Variants in SDK2 observed in about 807,000 individuals in gnomAD.
The protein encoded by SDK2 is sidekick cell adhesion molecule 2.
SDK2 carries 105 observed loss-of-function variants against 253.9 expected under a neutral mutation model. The observed-to-expected ratio is 0.41, with a 90% CI of 0.35 to 0.49. The LOEUF is 0.49. Among genes scored for constraint, SDK2 ranks in the 20% least tolerant of loss-of-function variants. The pLI, the probability that SDK2 is intolerant of heterozygous loss-of-function variation, is 0.06. For missense variants in SDK2, 2,608 were observed against 3,003.0 expected, an observed-to-expected ratio of 0.87 and a Z score of 3.07; for synonymous variants, 1,249 against 1,234.9, an observed-to-expected ratio of 1.01 and a Z score of -0.24.
intron 3 of SDK2, among the ~76,000 whole-genome samples, chr17:73,464,714 A>C (rs1480519515): frequency 6.6e-6 from 1 of 152,058 alleles, no homozygotes; most frequent in African/African-American, 2.4e-5. Flanking sequence ...GTTTACCCCC[A>C]ACAACCTTCC....
At chr17:73,513,308 A>G (rs2063996088) in intron 1 of SDK2, among the ~76,000 whole-genome samples, 1 of 152,250 alleles carries the variant, frequency 6.6e-6, no homozygotes, top group Non-Finnish European at 1.5e-5. Flanking sequence ...GGCAAAGGAT[A>G]TGAAGTTCGC....
Position 73,431,422 on chromosome 17 carries a change from C to A in SDK2, c.1480+80G>T. On this transcript the variant is annotated intron_variant, in intron 11 of 44. Coordinates refer to ENST00000392650, the MANE Select transcript of SDK2 (RefSeq NM_001144952.2). The surrounding 1 kb of genome is among the most constrained non-coding windows in gnomAD (Gnocchi z 5.6). The stretch of plus-strand genomic sequence containing the variant: ...GGTGGTATGAGCCTGTGCCCCGTAG[C>A]TGTCCTGAGTCCTCAGCACCTACAG... 1 of 1,379,954 alleles carries A rather than the reference C, an allele frequency of 7.2e-7. No individual in the cohort carries two copies. Among genetic ancestry groups the A allele is most frequent in the African/African-American group, 1.5e-5 (1 of 68,388 alleles). 85.5% of individuals were successfully genotyped at this position (1,379,954 alleles called of 1,614,324 possible). A position where few individuals can be genotyped will look rare whatever the true frequency, so the allele number is the denominator to read the frequency against.
At chr17:73,489,124 C>A (rs1447045631) in intron 2 of SDK2, among the ~76,000 whole-genome samples, 1 of 152,186 alleles carries the variant, frequency 6.6e-6, no homozygotes, top group Non-Finnish European at 1.5e-5. Flanking sequence ...ATACCCTTGT[C>A]TCCATGTACT....
intron 28 of SDK2, 73 bp downstream of exon 28, chr17:73,391,367 G>A (rs1229148498): frequency 1.9e-5 from 16 of 847,068 alleles, no homozygotes; most frequent in Non-Finnish European, 2.6e-5. Context: ...AGCTGGTAAC[G>A]AAGTGGCCTC....
intron 3 of SDK2, 38 bp from the exon 4 acceptor site, chr17:73,456,091 A>G (rs1410729359): frequency 1.4e-6 from 2 of 1,446,194 alleles, no homozygotes; most frequent in Non-Finnish European, 1.8e-6. Context: ...CAGGGGCGGG[A>G]GGTCAGCCTC....
chr17:73,603,437 T>C (rs371968562), intron 1 of SDK2, among the ~76,000 whole-genome samples: 3 of 152,326 alleles, frequency 2.0e-5, no homozygotes, highest in East Asian at 1.9e-4. Flanking sequence ...ATCACACTGA[T>C]AAGTTGGAGA....
rs191836627 is a variant in SDK2 at position 73,587,443 on chromosome 17, T to G, written c.64+56582A>C. ...TGGCACGCCTCTGTCCCTGGGTCAC[T>G]CCAGCATCACCACCCTACTTAGCAG... On this transcript the variant is annotated intron_variant, in intron 1 of 44. Coordinates refer to ENST00000392650, the MANE Select transcript of SDK2 (RefSeq NM_001144952.2). Among the ~76,000 whole-genome samples the G allele has an allele frequency of 3.3e-5, 5 of 152,328 alleles. No individual in the cohort carries two copies. In the East Asian group the frequency reaches 9.6e-4, roughly 29 times the overall value.
At chr17:73,497,850 AGCT>A (rs1188657132) in intron 2 of SDK2, among the ~76,000 whole-genome samples, 1 of 152,136 alleles carries the variant, frequency 6.6e-6, no homozygotes, top group Non-Finnish European at 1.5e-5. Flanking sequence ...TCCCTAAGAG[AGCT>A]AAACGCCCCT....
chr17:73,469,991 C>T lies in SDK2; in HGVS notation c.331+2121G>A, dbSNP rs112174860. Among the ~76,000 whole-genome samples, 358 of 100,814 alleles carry T rather than the reference C, an allele frequency of 3.6e-3. 3 individuals carry two copies. The highest frequency in any genetic ancestry group is 0.015 in the African/African-American group (343 of 23,058). 66.1% of individuals were successfully genotyped at this position (100,814 alleles called of 152,430 possible). A position where few individuals can be genotyped will look rare whatever the true frequency, so the allele number is the denominator to read the frequency against. On this transcript the variant is annotated intron_variant, in intron 3 of 44. Coordinates refer to ENST00000392650, the MANE Select transcript of SDK2 (RefSeq NM_001144952.2). The stretch of plus-strand genomic sequence containing the variant: ...AATGGCATTTGCGACTGCGCGCGCG[C>T]GCACACACACACACACACACACACA...
At chr17:73,450,029 G>A (rs111852882) in intron 4 of SDK2, among the ~76,000 whole-genome samples, 2,117 of 152,284 alleles carry the variant, frequency 0.014, 48 homozygotes, top group African/African-American at 0.041. Context: ...AGAGCCAGGC[G>A]AAAATATTTC....
At chr17:73,426,519 A>G (rs1343262778) in intron 12 of SDK2, among the ~76,000 whole-genome samples, 1 of 152,186 alleles carries the variant, frequency 6.6e-6, no homozygotes. Flanking sequence ...TTGGACATCC[A>G]GTTTAGCTCC....
rs374117631 is a variant in SDK2 at position 73,348,594 on chromosome 17, C to G, written c.6165+5G>C. The G allele has an allele frequency of 1.3e-4, 212 of 1,611,896 alleles. No homozygotes were observed. Among genetic ancestry groups the G allele is most frequent in the Admixed American group, 6.7e-5 (4 of 59,968 alleles). ...CTGCAGGACACCTGGCCCTCCTGCC[C>G]TCACCTGAGAGTCGGAGATTTCTGA... On this transcript the variant is annotated splice_donor_5th_base_variant and intron_variant, in intron 44 of 44. Coordinates refer to ENST00000392650, the MANE Select transcript of SDK2 (RefSeq NM_001144952.2).
At position 73,471,962 on chromosome 17, in the gene SDK2, A is replaced by G. The variant is rs573958594; in HGVS notation, c.331+150T>C. On this transcript the variant is annotated intron_variant, in intron 3 of 44. Coordinates refer to ENST00000392650, the MANE Select transcript of SDK2 (RefSeq NM_001144952.2). ...CTGGGCCTTGGTTCTACCAACTGCA[A>G]AATGAGGTTGCTGGCTGGAAGGGGC... is the stretch of plus-strand genomic sequence containing the variant. The G allele has an allele frequency of 9.6e-6, 6 of 628,022 alleles. 1 individual carries two copies. The highest frequency in any genetic ancestry group is 1.7e-5 in the Non-Finnish European group (6 of 356,804). 38.9% of individuals were successfully genotyped at this position (628,022 alleles called of 1,614,324 possible).
At chr17:73,448,840 T>C (rs371885824) in intron 4 of SDK2, among the ~76,000 whole-genome samples, 145 of 152,200 alleles carry the variant, frequency 9.5e-4, no homozygotes, top group African/African-American at 3.4e-3. Context: ...CTTATATTTT[T>C]AGTAAAGACA....
intron 1 of SDK2, among the ~76,000 whole-genome samples, chr17:73,577,166 C>T (rs548942048): frequency 3.1e-4 from 47 of 152,270 alleles, no homozygotes; most frequent in Middle Eastern, 3.4e-3. Context: ...ACCTGAAATC[C>T]GGGTCCAGAG....
intron 1 of SDK2, among the ~76,000 whole-genome samples, chr17:73,537,856 T>C (rs2044804169): frequency 6.6e-6 from 1 of 151,924 alleles, no homozygotes; most frequent in South Asian, 2.1e-4. Flanking sequence ...TGAGTGAAAA[T>C]AAAAAATGAC....
rs1567788856 is a variant in SDK2, at chr17:73,465,960, T to C, written c.331+6152A>G. Among the ~76,000 whole-genome samples, 1 of 152,132 alleles carries C rather than the reference T, an allele frequency of 6.6e-6. No individual in the cohort carries two copies. ...GTGTGTGTGTAAGGAGACAGACGGA[T>C]TGGCAGACAGGCAGCTGCAGCAGGC... On this transcript the variant is annotated intron_variant, in intron 3 of 44. Transcript: ENST00000392650. The surrounding 1 kb of genome is among the most constrained non-coding windows in gnomAD (Gnocchi z 4.2).
chr17:73,587,412 G>A (rs949425981), intron 1 of SDK2, among the ~76,000 whole-genome samples: 4 of 152,314 alleles, frequency 2.6e-5, no homozygotes, highest in Middle Eastern at 3.4e-3. Context: ...CAACTGGGGC[G>A]CCCTCTGGCA....
chr17:73,359,984 C>T (rs2062627655), intron 39 of SDK2, among the ~76,000 whole-genome samples: 1 of 152,168 alleles, frequency 6.6e-6, no homozygotes, highest in African/African-American at 2.4e-5. Context: ...CTTCTCTGAA[C>T]CCTCTGCCCT....
Sources: allele counts gnomAD v4.1 joint callset (sites outside exome capture counted in the v4.1 genomes callset), GRCh38; gene constraint gnomAD v4.1.1; non-coding constraint Gnocchi (gnomAD v3.1); transcripts MANE v1.5; gene names NCBI Gene and HGNC (gene_info 2026-07-23, HGNC 2026-07-21).